LYPD1: variants seen among roughly 807,000 people sequenced by gnomAD.
LYPD1 encodes the protein ly6/PLAUR domain-containing protein 1.
Under a neutral mutation model 14.2 loss-of-function variants are expected in LYPD1, and 14 were observed. The observed-to-expected ratio is 0.99, with a 90% CI of 0.65 to 1.54. LYPD1 has a LOEUF of 1.54. Ranked by LOEUF, LYPD1 falls within the 40% of genes most tolerant of loss-of-function variation. The pLI is 0.00. For synonymous variants in LYPD1, 85 were observed against 70.6 expected (o/e 1.20, Z -1.02); for missense variants, 165 against 175.7 (o/e 0.94, Z 0.34).
At chr2:132,654,286 A>G (rs1259025378) in intron 2 of LYPD1, among the ~76,000 whole-genome samples, 3 of 151,782 alleles carry the variant, frequency 2.0e-5, no homozygotes, top group African/African-American at 7.3e-5. Flanking sequence ...CTGTGGTCCC[A>G]GCTACTCCGG....
intron 2 of LYPD1, among the ~76,000 whole-genome samples, chr2:132,661,542 A>G (rs1260077789): frequency 6.6e-6 from 1 of 152,202 alleles, no homozygotes; most frequent in Non-Finnish European, 1.5e-5. Context: ...GGAAGGACAC[A>G]TCTACCTATG....
At chr2:132,660,453 G>A (rs948682983) in intron 2 of LYPD1, 2 of 152,312 alleles carry the variant, frequency 1.3e-5, no homozygotes, top group Admixed American at 6.5e-5. Flanking sequence ...TTACTAATAA[G>A]AGAACATGCC....
In LYPD1 at chr2:132,645,049, C is replaced by G; in HGVS notation, c.*996G>C. On this transcript the variant is annotated 3_prime_UTR_variant, in exon 3 of 3. Transcript: ENST00000397463. ...TGGTTTTATTCATTTACTGTGTTCT[C>G]ATGCTGTGTTTTTCTTTTCTCTGTC... 1.3e-6 allele frequency: 2 copies of G among 1,561,082 alleles called. No homozygotes were observed. Among genetic ancestry groups the G allele is most frequent in the Middle Eastern group, 1.7e-4 (1 of 5,788 alleles).
At chr2:132,661,857 C>A (rs1180445947) in intron 2 of LYPD1, among the ~76,000 whole-genome samples, 1 of 149,550 alleles carries the variant, frequency 6.7e-6, no homozygotes, top group Admixed American at 6.7e-5. Context: ...TAATTGCATA[C>A]TTTAAAGGGT....
At chr2:132,649,390 A>G (rs1223901925) in intron 2 of LYPD1, among the ~76,000 whole-genome samples, 1 of 152,154 alleles carries the variant, frequency 6.6e-6, no homozygotes, top group East Asian at 1.9e-4. Context: ...TCTGCAAAGA[A>G]GTGGAAATAA....
intron 2 of LYPD1, among the ~76,000 whole-genome samples, chr2:132,657,269 T>C (rs551727380): frequency 1.6e-4 from 25 of 152,282 alleles, no homozygotes; most frequent in Admixed American, 4.6e-4. Context: ...GGGAGGAAGG[T>C]TTCTGCGCAG....
rs1244459213 is a variant in LYPD1, at chr2:132,669,831, G to A, written c.52+50C>T. 9.4e-6 allele frequency: 15 copies of A among 1,603,720 alleles called. No individual in the cohort carries two copies. Among genetic ancestry groups the A allele is most frequent in the Non-Finnish European group, 1.2e-5 (14 of 1,174,724 alleles). On this transcript the variant is annotated intron_variant, in intron 1 of 2. Transcript: ENST00000397463. The surrounding 1 kb of genome is among the most constrained non-coding windows in gnomAD (Gnocchi z 4.3). ...TTGGGGGCAAAAGGGCTGGCGGGTA[G>A]ATGGATTGTGCGCACCTGGCCTCGG...
At chr2:132,661,041 A>C (rs1402133151) in intron 2 of LYPD1, among the ~76,000 whole-genome samples, 1 of 152,202 alleles carries the variant, frequency 6.6e-6, no homozygotes, top group Non-Finnish European at 1.5e-5. Context: ...TCTGCACCAC[A>C]GTGTACTCCT....
At chr2:132,650,729 A>AC (rs147496026) in intron 2 of LYPD1, among the ~76,000 whole-genome samples, 58,941 of 135,888 alleles carry the variant, frequency 0.43, 13,430 homozygotes, top group South Asian at 0.56. Context: ...AAAAAAAAAC[A>AC]AAAAACAAAA....
chr2:132,669,724 G>T lies in LYPD1; in HGVS notation c.52+157C>A, dbSNP rs71413517. ...AGCGCGGGACTTGGACACTTTCCCA[G>T]CCTCGCGCCCCGGGGCACCAGTCGC... On this transcript the variant is annotated intron_variant, in intron 1 of 2. Transcript: ENST00000397463. The surrounding 1 kb of genome is among the most constrained non-coding windows in gnomAD (Gnocchi z 4.3). 0.036 allele frequency: 51,542 copies of T among 1,417,926 alleles called. 1,101 individuals carry two copies. Among genetic ancestry groups the T allele is most frequent in the Non-Finnish European group, 0.042 (45,503 of 1,081,016 alleles). 87.8% of individuals were successfully genotyped at this position (1,417,926 alleles called of 1,614,324 possible).
At chr2:132,647,888 G>A (rs1330066781) in intron 2 of LYPD1, among the ~76,000 whole-genome samples, 1 of 152,190 alleles carries the variant, frequency 6.6e-6, no homozygotes, top group East Asian at 1.9e-4. Context: ...GAATGAAACT[G>A]CCTAAAACTT....
intron 2 of LYPD1, among the ~76,000 whole-genome samples, chr2:132,656,099 G>C (rs1056027915): frequency 2.6e-5 from 4 of 152,172 alleles, no homozygotes; most frequent in Admixed American, 2.0e-4. Flanking sequence ...CTCTGCCCCA[G>C]TGGTCGTAAA....
In LYPD1 at chr2:132,670,107, T is replaced by A; in HGVS notation, c.-175A>T. 1 of 1,430,100 alleles carries A rather than the reference T, an allele frequency of 7.0e-7. No individual in the cohort carries two copies. The highest frequency in any genetic ancestry group is 9.1e-7 in the Non-Finnish European group (1 of 1,102,234). 88.6% of individuals were successfully genotyped at this position (1,430,100 alleles called of 1,614,324 possible). On this transcript the variant is annotated 5_prime_UTR_variant, in exon 1 of 3. The change abolishes an upstream ATG in the 5' untranslated region. Coordinates refer to ENST00000397463, the MANE Select transcript of LYPD1 (RefSeq NM_144586.7). This position sits in a 1 kb window ranked among gnomAD's most constrained non-coding sequence, Gnocchi z 4.5. Reference sequence around the variant, plus strand: ...GCAGGTGCCGCTCGCGGAGCCTGCATCGCCCGCGCTCGGGCTCCCGGCTGC... The same window carrying A: ...GCAGGTGCCGCTCGCGGAGCCTGCAACGCCCGCGCTCGGGCTCCCGGCTGC...
chr2:132,661,609 G>A (rs932129374), intron 2 of LYPD1, among the ~76,000 whole-genome samples: 6 of 152,276 alleles, frequency 3.9e-5, no homozygotes, highest in Admixed American at 6.5e-5. Context: ...CATAAAACAT[G>A]ATCCTAAGCA....
intron 1 of LYPD1, 33 bp from the exon 2 acceptor site, chr2:132,668,570 G>GC (rs1322635288): frequency 1.2e-6 from 2 of 1,604,856 alleles, no homozygotes; most frequent in African/African-American, 2.7e-5. Flanking sequence ...TTCAGATCCG[G>GC]CCCCCACAGA....
chr2:132,644,413 ATTC>A lies in LYPD1; in HGVS notation c.*1629_*1631del. Among the ~76,000 whole-genome samples, 1 of 152,356 alleles carries A rather than the reference ATTC, an allele frequency of 6.6e-6. No individual in the cohort carries two copies. Among genetic ancestry groups the A allele is most frequent in the African/African-American group, 2.4e-5 (1 of 41,584 alleles). On this transcript the variant is annotated 3_prime_UTR_variant, in exon 3 of 3. Transcript: ENST00000397463. ...GTTTTATATTTGCCATCTCTGAATAATTCTTTTTCCCCACATGAGGGATCTAAA... is the reference window on the plus strand; with the variant it reads ...GTTTTATATTTGCCATCTCTGAATAATTTTTCCCCACATGAGGGATCTAAA...
In LYPD1 at chr2:132,659,535, T is replaced by C. The variant is rs187390185; in HGVS notation, c.190+8865A>G. Among the ~76,000 whole-genome samples the C allele has an allele frequency of 5.3e-4, 81 of 152,358 alleles. 1 individual carries two copies. The highest frequency in any genetic ancestry group is 1.5e-3 in the Admixed American group (23 of 15,306). On this transcript the variant is annotated intron_variant, in intron 2 of 2. Transcript: ENST00000397463. ...AACTGAGCTGCTGGCTGGAGAACACTGAACAAAGATGAAATTGTTTCTGGA... is the reference window on the plus strand; with the variant it reads ...AACTGAGCTGCTGGCTGGAGAACACCGAACAAAGATGAAATTGTTTCTGGA...
intron 2 of LYPD1, chr2:132,646,529 C>T: frequency 2.6e-6 from 1 of 380,300 alleles, no homozygotes; most frequent in Non-Finnish European, 4.6e-6. Flanking sequence ...CCTGTGAATA[C>T]CTGTTAATAA....
Position 132,668,485 on chromosome 2 carries a change from G to T in LYPD1, c.105C>A (p.Asn35Lys), listed in dbSNP as rs745632044. The T allele has an allele frequency of 6.2e-7, 1 of 1,612,006 alleles. No individual in the cohort carries two copies. Among genetic ancestry groups the T allele is most frequent in the Admixed American group, 1.7e-5 (1 of 59,664 alleles). ...CYQCEEFQLN[N>K]DCSSPEFIVN... Reference sequence around the variant, plus strand: ...CAATGAACTCGGGGGAGGAGCAGTCGTTGTTCAGCTGGAATTCTTCACACT... The same window carrying T: ...CAATGAACTCGGGGGAGGAGCAGTCTTTGTTCAGCTGGAATTCTTCACACT... The change falls in exon 2 of 3, where the codon AAC becomes AAA. Residue 35 changes from asparagine to lysine, a missense_variant. Transcript: ENST00000397463.
Sources: gnomAD v4.1 joint callset for allele counts (sites outside exome capture counted in the v4.1 genomes callset) on GRCh38, gnomAD v4.1.1 for gene constraint, Gnocchi (gnomAD v3.1) non-coding constraint, MANE v1.5 for transcripts, NCBI Gene and HGNC (gene_info 2026-07-23, HGNC 2026-07-21) for gene names.